ATP1B3: variants seen among roughly 807,000 people sequenced by gnomAD.
The protein encoded by ATP1B3 is ATPase Na+/K+ transporting subunit beta 3.
In ATP1B3, 10 loss-of-function variants were observed where a neutral mutation model predicts 30.2. The ratio of observed to expected loss-of-function variants is 0.33; its 90% CI spans 0.20 to 0.56. The LOEUF (loss-of-function observed/expected upper bound fraction) is 0.56, where lower values mean the gene tolerates loss of function less well. Among genes scored for constraint, ATP1B3 ranks in the 20% least tolerant of loss-of-function variants. ATP1B3 has a pLI of 0.90. For missense variants in ATP1B3, 238 were observed against 336.7 expected, an observed-to-expected ratio of 0.71 and a Z score of 2.29; for synonymous variants, 113 against 117.0, an observed-to-expected ratio of 0.97 and a Z score of 0.22.
intron 1 of ATP1B3, among the ~76,000 whole-genome samples, chr3:141,880,716 G>C (rs1436832729): frequency 6.6e-6 from 1 of 152,110 alleles, no homozygotes; most frequent in Non-Finnish European, 1.5e-5. Context: ...TGCATATATA[G>C]ATACCCCAGT....
At chr3:141,878,856 G>A (rs1326018039) in intron 1 of ATP1B3, among the ~76,000 whole-genome samples, 2 of 152,182 alleles carry the variant, frequency 1.3e-5, no homozygotes, top group East Asian at 1.9e-4. Flanking sequence ...CAATGTAAGG[G>A]TATCCCTCTA....
At chr3:141,911,414 T>A (rs977412879) in intron 3 of ATP1B3, among the ~76,000 whole-genome samples, 1 of 152,260 alleles carries the variant, frequency 6.6e-6, no homozygotes, top group East Asian at 1.9e-4. Context: ...CTGCAGATAC[T>A]AATTGGACTT....
In ATP1B3 at chr3:141,893,491, G is replaced by A. The variant is rs77025673; in HGVS notation, c.110-10129G>A. ...TTGTATTTCTGGTTCTCTCCCCAAT[G>A]TCTCAACAATTTTTCATATACTCCT... On this transcript the variant is annotated intron_variant, in intron 1 of 6. Transcript: ENST00000286371. Among the ~76,000 whole-genome samples the A allele has an allele frequency of 6.9e-3, 1,052 of 152,102 alleles. 11 individuals carry two copies. The highest frequency in any genetic ancestry group is 0.024 in the African/African-American group (994 of 41,456).
intron 3 of ATP1B3, among the ~76,000 whole-genome samples, chr3:141,912,201 AT>A (rs3842576): frequency 0.88 from 133,060 of 152,018 alleles, 58,534 homozygotes; most frequent in African/African-American, 0.97. Context: ...TTTGACAGTG[AT>A]TTTTTTCCCC....
chr3:141,892,252 C>T (rs1461415428), intron 1 of ATP1B3, among the ~76,000 whole-genome samples: 1 of 152,128 alleles, frequency 6.6e-6, no homozygotes, highest in African/African-American at 2.4e-5. Context: ...TACACAGTAT[C>T]TTCACCCTTG....
chr3:141,897,301 A>T (rs1323306803), intron 1 of ATP1B3, among the ~76,000 whole-genome samples: 1 of 151,668 alleles, frequency 6.6e-6, no homozygotes, highest in African/African-American at 2.4e-5. Flanking sequence ...GCTAGAGAGG[A>T]TTCTTTTTGT....
intron 1 of ATP1B3, among the ~76,000 whole-genome samples, chr3:141,890,285 C>CTTTTT (rs775182342): frequency 3.9e-4 from 11 of 28,554 alleles, no homozygotes; most frequent in Admixed American, 6.8e-4. Context: ...TTTTGTGGGG[C>CTTTTT]TTTTTTTTTT....
chr3:141,898,979 A>G (rs1030058716), intron 1 of ATP1B3, among the ~76,000 whole-genome samples: 1 of 152,218 alleles, frequency 6.6e-6, no homozygotes, highest in Admixed American at 6.5e-5. Context: ...GAAGCCAGTG[A>G]CAAAAGCCAT....
chr3:141,921,028 T>C (rs1259021851), intron 5 of ATP1B3, among the ~76,000 whole-genome samples: 1 of 152,170 alleles, frequency 6.6e-6, no homozygotes, highest in Non-Finnish European at 1.5e-5. Context: ...TAGTTTTGCT[T>C]TATGCTGTTT....
chr3:141,886,484 T>A (rs1017416017), intron 1 of ATP1B3, among the ~76,000 whole-genome samples: 3 of 152,226 alleles, frequency 2.0e-5, no homozygotes, highest in South Asian at 2.1e-4. Flanking sequence ...TCACAATGGC[T>A]CTGCTCTACT....
intron 1 of ATP1B3, among the ~76,000 whole-genome samples, chr3:141,893,628 T>G (rs1429346290): frequency 6.6e-6 from 1 of 152,214 alleles, no homozygotes; most frequent in African/African-American, 2.4e-5. Context: ...TTTAACAGCT[T>G]TATTGAGGTA....
intron 2 of ATP1B3, among the ~76,000 whole-genome samples, chr3:141,904,316 T>G (rs77108800): frequency 6.6e-6 from 1 of 151,906 alleles, no homozygotes; most frequent in Non-Finnish European, 1.5e-5. Flanking sequence ...TTTTTTTTTT[T>G]GTCAGAAGTA....
intron 3 of ATP1B3, among the ~76,000 whole-genome samples, chr3:141,909,560 A>C (rs1320896314): frequency 6.6e-6 from 1 of 152,214 alleles, no homozygotes; most frequent in African/African-American, 2.4e-5. Flanking sequence ...AGCCCTGGAA[A>C]TGTCCAGCAC....
At chr3:141,885,615 T>G (rs2107764341) in intron 1 of ATP1B3, among the ~76,000 whole-genome samples, 1 of 152,066 alleles carries the variant, frequency 6.6e-6, no homozygotes, top group East Asian at 1.9e-4. Context: ...TGCCTGGCAA[T>G]TTTTGTATTT....
At chr3:141,908,189 T>C (rs945962132) in intron 3 of ATP1B3, among the ~76,000 whole-genome samples, 1 of 152,080 alleles carries the variant, frequency 6.6e-6, no homozygotes, top group Non-Finnish European at 1.5e-5. Context: ...TTTAAAGTTA[T>C]GTCTGTGTCT....
At chr3:141,908,696 A>G (rs6806440) in intron 3 of ATP1B3, among the ~76,000 whole-genome samples, 34,887 of 152,126 alleles carry the variant, frequency 0.23, 4,179 homozygotes, top group African/African-American at 0.26. Flanking sequence ...TGGTAATCCT[A>G]TGGAATTTCT....
chr3:141,891,028 G>A (rs1933941182), intron 1 of ATP1B3, among the ~76,000 whole-genome samples: 1 of 152,178 alleles, frequency 6.6e-6, no homozygotes, highest in African/African-American at 2.4e-5. Flanking sequence ...GGTTTTAAAT[G>A]AACATTATCA....
At chr3:141,905,913 CATT>C (rs1425458183) in intron 2 of ATP1B3, among the ~76,000 whole-genome samples, 1 of 151,804 alleles carries the variant, frequency 6.6e-6, no homozygotes, top group Non-Finnish European at 1.5e-5. Context: ...CTTAAAGTAT[CATT>C]AGTTTAAATA....
chr3:141,924,493 A>T (rs1276474140), intron 6 of ATP1B3, among the ~76,000 whole-genome samples: 2 of 151,934 alleles, frequency 1.3e-5, no homozygotes, highest in Non-Finnish European at 2.9e-5. Context: ...TACTAAAAAT[A>T]AAAAAATTAG....
Sources: allele counts gnomAD v4.1 joint callset (sites outside exome capture counted in the v4.1 genomes callset), GRCh38; gene constraint gnomAD v4.1.1; transcripts MANE v1.5; gene names NCBI Gene and HGNC (gene_info 2026-07-23, HGNC 2026-07-21).